SPOCK1: variants seen among roughly 807,000 people sequenced by gnomAD.
SPOCK1 encodes the protein SPARC (osteonectin), cwcv and kazal like domains proteoglycan 1.
SPOCK1 carries 23 observed loss-of-function variants against 55.3 expected under a neutral mutation model. That is an observed-to-expected ratio of 0.42 (90% CI 0.30 to 0.59). SPOCK1 has a LOEUF of 0.59. Ranked by LOEUF, SPOCK1 falls within the 20% of genes least tolerant of loss-of-function variation. SPOCK1 has a pLI of 0.22. For synonymous variants in SPOCK1, 226 were observed against 221.0 expected (o/e 1.02, Z -0.20); for missense variants, 499 against 552.5 (o/e 0.90, Z 0.97).
chr5:137,465,472 G>T (rs940272649), intron 2 of SPOCK1, among the ~76,000 whole-genome samples: 3 of 151,684 alleles, frequency 2.0e-5, no homozygotes, highest in Non-Finnish European at 4.4e-5. Context: ...TTGTAAACTC[G>T]TCTTTTACTG....
Position 137,166,550 on chromosome 5 carries a change from T to C in SPOCK1, c.233-25856A>G, listed in dbSNP as rs142559657. Among the ~76,000 whole-genome samples the C allele has an allele frequency of 1.2e-3, 185 of 152,212 alleles. 1 individual carries two copies. In the East Asian group the frequency reaches 0.017, roughly 14 times the overall value. ...ATTATAGTGCTGAAACTGTGGTATG[T>C]AAACTACTTATCTTAAATAGAAAGA... On this transcript the variant is annotated intron_variant, in intron 3 of 10. Transcript: ENST00000394945.
intron 3 of SPOCK1, among the ~76,000 whole-genome samples, chr5:137,242,916 G>A (rs1281585042): frequency 1.3e-5 from 2 of 152,174 alleles, no homozygotes; most frequent in Non-Finnish European, 2.9e-5. Flanking sequence ...ACTAATGTGT[G>A]TATTAAAATT....
intron 2 of SPOCK1, among the ~76,000 whole-genome samples, chr5:137,473,556 G>A (rs1362909164): frequency 6.6e-6 from 1 of 152,154 alleles, no homozygotes; most frequent in Admixed American, 6.5e-5. Flanking sequence ...ATATAGTTTT[G>A]ATTTTGAACA....
intron 2 of SPOCK1, among the ~76,000 whole-genome samples, chr5:137,331,325 G>A (rs1758176090): frequency 6.6e-6 from 1 of 152,130 alleles, no homozygotes; most frequent in Non-Finnish European, 1.5e-5. Flanking sequence ...CTGAACCCCT[G>A]CAACTGGAAG....
rs1242815321 is a variant in SPOCK1, at chr5:137,133,263, G to A, written c.347+7317C>T. 2.0e-5 allele frequency among the ~76,000 whole-genome samples: 3 copies of A among 151,788 alleles called. No individual in the cohort carries two copies. The East Asian group carries it at 5.8e-4, about 29-fold the overall frequency. ...CATGCACCTGTAGTCCCAGCTACTC[G>A]GGAGGCTGAGGCAGAAAAATTGCTC... is the stretch of plus-strand genomic sequence containing the variant. On this transcript the variant is annotated intron_variant, in intron 4 of 10. Transcript: ENST00000394945.
At chr5:137,057,381 A>G (rs1386926274) in intron 6 of SPOCK1, among the ~76,000 whole-genome samples, 7 of 152,128 alleles carry the variant, frequency 4.6e-5, no homozygotes, top group Non-Finnish European at 1.0e-4. Context: ...GCTCTAACCA[A>G]CCTGAACATC....
intron 2 of SPOCK1, among the ~76,000 whole-genome samples, chr5:137,359,906 T>A (rs1424318872): frequency 6.6e-6 from 1 of 152,208 alleles, no homozygotes; most frequent in African/African-American, 2.4e-5. Flanking sequence ...CACAGATTTG[T>A]CCTGAAGCAA....
chr5:137,141,182 G>A (rs1754090986), intron 3 of SPOCK1, among the ~76,000 whole-genome samples: 1 of 152,210 alleles, frequency 6.6e-6, no homozygotes, highest in Admixed American at 6.5e-5. Flanking sequence ...GAAATTCTGT[G>A]TCTATCACAC....
chr5:137,266,455 G>T (rs1038424790), intron 3 of SPOCK1, among the ~76,000 whole-genome samples: 6 of 152,164 alleles, frequency 3.9e-5, no homozygotes, highest in African/African-American at 1.4e-4. Context: ...TTTGATGCTT[G>T]CTGGGGGAAT....
chr5:137,029,397 T>C (rs754130925), intron 6 of SPOCK1, among the ~76,000 whole-genome samples: 2 of 152,234 alleles, frequency 1.3e-5, no homozygotes, highest in Non-Finnish European at 2.9e-5. Context: ...GATAAACTTA[T>C]ATGACTTGGT....
At chr5:137,029,567 C>T (rs1366436442) in intron 6 of SPOCK1, among the ~76,000 whole-genome samples, 1 of 152,186 alleles carries the variant, frequency 6.6e-6, no homozygotes, top group Non-Finnish European at 1.5e-5. Context: ...GGCCCTGGGT[C>T]GGCTTGGCCT....
At chr5:137,268,058 C>T (rs117169830) in intron 2 of SPOCK1, among the ~76,000 whole-genome samples, 2 of 152,346 alleles carry the variant, frequency 1.3e-5, no homozygotes, top group East Asian at 1.9e-4. Flanking sequence ...AGCTAATTTA[C>T]ATCAAAGCGC....
At chr5:137,465,324 C>T (rs978318163) in intron 2 of SPOCK1, among the ~76,000 whole-genome samples, 38 of 152,116 alleles carry the variant, frequency 2.5e-4, no homozygotes, top group African/African-American at 9.2e-4. Context: ...AAAATCATGA[C>T]AGCTTTAAAA....
chr5:137,449,227 G>A (rs931003522), intron 2 of SPOCK1, among the ~76,000 whole-genome samples: 1 of 152,168 alleles, frequency 6.6e-6, no homozygotes, highest in African/African-American at 2.4e-5. Flanking sequence ...CTTCTGCCCA[G>A]TGCAACAAAA....
In SPOCK1 at chr5:137,190,479, G is replaced by C. The variant is rs116952759; in HGVS notation, c.233-49785C>G. ...AGCAATAAAATATTTTTAAATTAAG[G>C]TATGTACATTGATTTTTAAGATATA... On this transcript the variant is annotated intron_variant, in intron 3 of 10. Transcript: ENST00000394945. 9.3e-3 allele frequency among the ~76,000 whole-genome samples: 1,412 copies of C among 152,178 alleles called. 126 individuals carry two copies. The East Asian group carries it at 0.22, about 24-fold the overall frequency.
intron 3 of SPOCK1, among the ~76,000 whole-genome samples, chr5:137,238,280 G>T (rs1001052925): frequency 6.6e-6 from 1 of 152,156 alleles, no homozygotes; most frequent in African/African-American, 2.4e-5. Flanking sequence ...CCTCCCCAAA[G>T]AGACAAACCC....
intron 2 of SPOCK1, among the ~76,000 whole-genome samples, chr5:137,300,032 A>G (rs925890670): frequency 2.0e-5 from 3 of 152,088 alleles, no homozygotes; most frequent in Non-Finnish European, 4.4e-5. Context: ...CCTATTACAC[A>G]TATATTAGAC....
chr5:137,078,118 AG>A lies in SPOCK1; in HGVS notation c.475-10290del, dbSNP rs574771671. ...AGGAGATGCTTCAAGTATAGAAAAA[AG>A]CACAAAACATCCCAGAGAGACTTGG... On this transcript the variant is annotated intron_variant, in intron 5 of 10. Transcript: ENST00000394945. Among the ~76,000 whole-genome samples, 10 of 152,308 alleles carry A rather than the reference AG, an allele frequency of 6.6e-5. No homozygotes were observed. In the South Asian group the frequency reaches 2.1e-3, roughly 32 times the overall value.
At chr5:137,388,036 T>C (rs530909002) in intron 2 of SPOCK1, among the ~76,000 whole-genome samples, 1 of 152,226 alleles carries the variant, frequency 6.6e-6, no homozygotes, top group South Asian at 2.1e-4. Context: ...CCCATTCCCA[T>C]AAAAGCTATT....
Sources: gnomAD v4.1 joint callset for allele counts (sites outside exome capture counted in the v4.1 genomes callset) on GRCh38, gnomAD v4.1.1 for gene constraint, MANE v1.5 for transcripts, NCBI Gene and HGNC (gene_info 2026-07-23, HGNC 2026-07-21) for gene names.